CXorf58: variants seen among roughly 807,000 people sequenced by gnomAD.
CXorf58 encodes the protein chromosome X open reading frame 58.
CXorf58 carries 24 observed loss-of-function variants against 26.0 expected under a neutral mutation model. The observed-to-expected ratio is 0.92, with a 90% CI of 0.67 to 1.30. The LOEUF (loss-of-function observed/expected upper bound fraction) is 1.30, where lower values mean the gene tolerates loss of function less well. Ranked by LOEUF, CXorf58 falls within the 50% of genes most tolerant of loss-of-function variation. The probability of loss-of-function intolerance (pLI) is 0.00; values close to 1 mark genes in which losing one functional copy is unlikely to be tolerated. For missense variants in CXorf58, 236 were observed against 263.9 expected, an observed-to-expected ratio of 0.89 and a Z score of 0.73; for synonymous variants, 87 against 86.1, an observed-to-expected ratio of 1.01 and a Z score of -0.06.
At chrX:23,925,777 TTTTCTTTTC>T (rs1374943145) in intron 5 of CXorf58, among the ~76,000 whole-genome samples, 4 of 98,231 alleles carry the variant, frequency 4.1e-5, no homozygotes, top group African/African-American at 1.7e-4. Context: ...TTTTCTTTTC[TTTTCTTTTC>T]TTTTTTTTTT....
At chrX:23,913,027 T>C (rs1283118715) in intron 3 of CXorf58, among the ~76,000 whole-genome samples, 6 of 109,695 alleles carry the variant, frequency 5.5e-5, no homozygotes, top group Non-Finnish European at 7.6e-5. Flanking sequence ...ATGATCCTAC[T>C]TGAGTGAAAA....
chrX:23,916,169 G>A (rs1927714857), intron 4 of CXorf58, 48 bp from the exon 5 acceptor site: 2 of 815,061 alleles, frequency 2.5e-6, no homozygotes, highest in Non-Finnish European at 3.6e-6. Flanking sequence ...AAAAGCAACT[G>A]AGCCCAAAAC....
intron 5 of CXorf58, among the ~76,000 whole-genome samples, chrX:23,925,025 T>C (rs1382860658): frequency 9.0e-6 from 1 of 111,163 alleles, no homozygotes; most frequent in Non-Finnish European, 1.9e-5. Flanking sequence ...AAGAAGAAAT[T>C]AATGAAATAT....
intron 6 of CXorf58, among the ~76,000 whole-genome samples, chrX:23,929,916 A>G (rs1417941508): frequency 1.8e-5 from 2 of 111,392 alleles, no homozygotes; most frequent in Admixed American, 1.9e-4. Context: ...TGCTAAATCT[A>G]TCCGGGCGGA....
chrX:23,920,028 T>TGAGCAGCCTGGAGCTGGGG (rs1455016375), intron 5 of CXorf58, among the ~76,000 whole-genome samples: 1 of 112,738 alleles, frequency 8.9e-6, no homozygotes, highest in East Asian at 2.8e-4. Flanking sequence ...CTTTCTGTAC[T>TGAGCAGCCTGGAGCTGGGG]GAGCAGCCTG....
At chrX:23,935,166 A>G (rs1432681363) in intron 6 of CXorf58, 30 bp from the exon 7 acceptor site, 3 of 1,138,657 alleles carry the variant, frequency 2.6e-6, no homozygotes, top group Non-Finnish European at 3.6e-6. Context: ...GCACCTGGCC[A>G]ACTTAATCGT....
chrX:23,936,336 T>G (rs1928296456), intron 7 of CXorf58, among the ~76,000 whole-genome samples: 1 of 112,054 alleles, frequency 8.9e-6, no homozygotes, highest in Admixed American at 9.5e-5. Flanking sequence ...AATTCTATTC[T>G]TGCTACTCTG....
At chrX:23,918,042 C>A (rs1266140834) in intron 5 of CXorf58, among the ~76,000 whole-genome samples, 2 of 111,017 alleles carry the variant, frequency 1.8e-5, no homozygotes, top group African/African-American at 6.5e-5. Flanking sequence ...TGGGGTTTCA[C>A]CATGTTAGCC....
intron 6 of CXorf58, among the ~76,000 whole-genome samples, chrX:23,933,116 C>T (rs533421910): frequency 1.0e-4 from 11 of 106,742 alleles, no homozygotes; most frequent in South Asian, 8.4e-4. Flanking sequence ...GGCAACACAG[C>T]GAGACCCCAT....
At chrX:23,912,345 T>A (rs1458739329) in intron 3 of CXorf58, among the ~76,000 whole-genome samples, 2 of 112,334 alleles carry the variant, frequency 1.8e-5, no homozygotes, top group African/African-American at 6.5e-5. Flanking sequence ...CTGGATTTTT[T>A]AAAATGTGGA....
chrX:23,915,391 A>G (rs1927693642), intron 3 of CXorf58, among the ~76,000 whole-genome samples: 1 of 111,886 alleles, frequency 8.9e-6, no homozygotes, highest in African/African-American at 3.2e-5. Context: ...CATGAAGCTT[A>G]CAGTCTAGTA....
chrX:23,910,446 A>T, intron 2 of CXorf58, 28 bp downstream of exon 2: 1 of 818,788 alleles, frequency 1.2e-6, no homozygotes, highest in Non-Finnish European at 1.9e-6. Context: ...GCCTTGTGTT[A>T]TCTTCCACAA....
rs758092800 is a variant in CXorf58 at position 23,911,081 on chromosome X, TTATATC to T, written c.116+665_117-669del. Among the ~76,000 whole-genome samples the T allele has an allele frequency of 2.7e-5, 3 of 110,981 alleles. No homozygotes were observed. The East Asian group carries it at 8.5e-4, about 31-fold the overall frequency. Reference sequence around the variant, plus strand: ...TGTGTCTGGCCTAGCCTTTTCTTCTTTATATCTTGTAGCCTGCATTTTGCCAGCCAA... The same window carrying T: ...TGTGTCTGGCCTAGCCTTTTCTTCTTTTGTAGCCTGCATTTTGCCAGCCAA... On this transcript the variant is annotated intron_variant, in intron 2 of 8. Transcript: ENST00000379211.
At chrX:23,929,947 C>T (rs1166825817) in intron 6 of CXorf58, among the ~76,000 whole-genome samples, 1 of 111,034 alleles carries the variant, frequency 9.0e-6, no homozygotes, top group East Asian at 2.8e-4. Flanking sequence ...CCTGTAATCC[C>T]AGCACTTTGG....
chrX:23,934,157 A>G (rs142377707), intron 6 of CXorf58, among the ~76,000 whole-genome samples: 3,898 of 112,165 alleles, frequency 0.035, 179 homozygotes, highest in African/African-American at 0.12. Flanking sequence ...TATATTTGCC[A>G]TAAAAATGTT....
At chrX:23,930,755 A>G (rs900386768) in intron 6 of CXorf58, among the ~76,000 whole-genome samples, 1 of 111,454 alleles carries the variant, frequency 9.0e-6, no homozygotes, top group African/African-American at 3.3e-5. Flanking sequence ...TTTTAGCAAT[A>G]AAGTATTTTT....
chrX:23,918,324 T>C (rs1940773915), intron 5 of CXorf58, among the ~76,000 whole-genome samples: 2 of 111,157 alleles, frequency 1.8e-5, no homozygotes, highest in Non-Finnish European at 3.8e-5. Flanking sequence ...ATCTGTTGTA[T>C]GTTTTGGGAT....
intron 1 of CXorf58, among the ~76,000 whole-genome samples, chrX:23,909,021 T>C (rs1927495391): frequency 8.9e-6 from 1 of 111,785 alleles, no homozygotes; most frequent in Admixed American, 9.5e-5. Context: ...CAGCTGTGAC[T>C]GCCAGCCTTG....
Position 23,910,355 on chromosome X carries a change from G to A in CXorf58, c.53G>A (p.Arg18Lys). The A allele has an allele frequency of 8.3e-7, 1 of 1,198,649 alleles. No homozygotes were observed. Among genetic ancestry groups the A allele is most frequent in the Non-Finnish European group, 1.1e-6 (1 of 886,000 alleles). The stretch of plus-strand genomic sequence containing the variant: ...AAAGGTATTCTGAAATCAGGTACAA[G>A]ATCCTTACAAAAAGTTCGCAGAGTA... ...PRKGILKSGT[R>K]SLQKVRRVHF... The change falls in exon 2 of 9, where the codon AGA becomes AAA. Residue 18 changes from arginine to lysine, a missense_variant. Arg to Lys is a conservative substitution (Grantham distance 26, BLOSUM62 2). Transcript: ENST00000379211.
Sources: gnomAD v4.1 joint callset for allele counts (sites outside exome capture counted in the v4.1 genomes callset) on GRCh38, gnomAD v4.1.1 for gene constraint, MANE v1.5 for transcripts, NCBI Gene and HGNC (gene_info 2026-07-23, HGNC 2026-07-21) for gene names.